Variants in SETD1B observed in about 807,000 individuals in gnomAD.
SETD1B encodes the protein histone-lysine N-methyltransferase SETD1B.
In SETD1B, 7 loss-of-function variants were observed where a neutral mutation model predicts 148.0. The observed-to-expected ratio is 0.05, with a 90% CI of 0.03 to 0.09. SETD1B has a LOEUF of 0.09. Among genes scored for constraint, SETD1B ranks in the 10% least tolerant of loss-of-function variants. The pLI, the probability that SETD1B is intolerant of heterozygous loss-of-function variation, is 1.00. For synonymous variants in SETD1B, 1,361 were observed against 1,186.5 expected, an observed-to-expected ratio of 1.15 and a Z score of -3.02; for missense variants, 2,155 against 2,729.9, an observed-to-expected ratio of 0.79 and a Z score of 4.69.
At chr12:121,809,401 C>T (rs987218165) in intron 5 of SETD1B, among the ~76,000 whole-genome samples, 1 of 152,192 alleles carries the variant, frequency 6.6e-6, no homozygotes, top group Non-Finnish European at 1.5e-5. Flanking sequence ...GTTCCCTGAA[C>T]ATATTTGGCT....
chr12:121,823,479 G>A lies in SETD1B; in HGVS notation c.4900G>A (p.Glu1634Lys), dbSNP rs760923776. The A allele has an allele frequency of 1.5e-5, 24 of 1,550,462 alleles. No individual in the cohort carries two copies. Among genetic ancestry groups the A allele is most frequent in the Non-Finnish European group, 2.1e-5 (24 of 1,146,884 alleles). The part of the protein sequence containing the change: ...GRDEVTEEYM[E>K]LAKSRGPWRR... The stretch of plus-strand genomic sequence containing the variant: ...CGATGAGGTCACTGAGGAATACATG[G>A]AGTTGGCCAAGAGCCGGGGGCCGTG... Residue 1634 changes from glutamate (E) to lysine (K), a missense_variant, in exon 12 of 17, where the codon GAG (glutamate) becomes AAG (lysine). This residue lies in a region of SETD1B where 862 missense variants were observed against 873.8 expected (regional missense o/e 0.99). Transcript: ENST00000604567.
intron 13 of SETD1B, among the ~76,000 whole-genome samples, chr12:121,826,406 G>A (rs1319805377): frequency 1.3e-5 from 2 of 152,150 alleles, no homozygotes; most frequent in African/African-American, 4.8e-5. Context: ...CTACAGAGAA[G>A]TGAAAAAGCG....
At position 121,814,723 on chromosome 12, in the gene SETD1B, A is replaced by G. The variant is rs577405791; in HGVS notation, c.2508A>G (p.Pro836=). ...SGPGRGQHWP[P]LPKFDPSVPP... ...CAGGCCGCGGGCAGCACTGGCCACC[A>G]CTGCCCAAGTTTGACCCGTCAGTGC... The change falls in exon 7 of 17, where the codon CCA becomes CCG. Residue 836 remains proline, a synonymous_variant. Transcript: ENST00000604567. 1.4e-4 allele frequency: 211 copies of G among 1,551,034 alleles called. 1 individual carries two copies. Among genetic ancestry groups the G allele is most frequent in the Non-Finnish European group, 1.5e-4 (174 of 1,146,974 alleles).
the SETD1B span, among the ~76,000 whole-genome samples, chr12:121,791,672 C>G: frequency 2.0e-5 from 3 of 152,246 alleles, no homozygotes; most frequent in Admixed American, 6.5e-5. Context: ...CCTTGAGCAT[C>G]TCTCTCTGGG....
rs1485901488 is a variant in SETD1B at position 121,817,354 on chromosome 12, C to T, written c.2978-16C>T. 6.5e-7 allele frequency: 1 copy of T among 1,531,158 alleles called. No homozygotes were observed. Among genetic ancestry groups the T allele is most frequent in the African/African-American group, 1.4e-5 (1 of 72,822 alleles). The allele number at this position is 1,531,158 out of a possible 1,614,324, so 94.8% of individuals were successfully genotyped here. A position where few individuals can be genotyped will look rare whatever the true frequency, so the allele number is the denominator to read the frequency against. ...GCATCCCCCCAGCCCAGCTCTGACT[C>T]CCTCCCTTCCTGCAGAGTCCGAGCG... On this transcript the variant is annotated splice_polypyrimidine_tract_variant and intron_variant, in intron 8 of 16. Transcript: ENST00000604567. The surrounding 1 kb of genome is among the most constrained non-coding windows in gnomAD (Gnocchi z 8.1).
the SETD1B span, among the ~76,000 whole-genome samples, chr12:121,798,807 G>A: frequency 4.6e-5 from 7 of 152,292 alleles, no homozygotes; most frequent in Admixed American, 2.0e-4. Flanking sequence ...AAGGAGGGGG[G>A]CTCCGAGACC....
chr12:121,796,890 T>C, the SETD1B span, among the ~76,000 whole-genome samples: 1 of 151,866 alleles, frequency 6.6e-6, no homozygotes, highest in Non-Finnish European at 1.5e-5. Context: ...AATACAAAAT[T>C]ATCCGGGCGT....
At position 121,805,764 on chromosome 12, in the gene SETD1B, CG is replaced by C. The variant is rs1285396764; in HGVS notation, c.274-64del. 58 of 1,384,110 alleles carry C rather than the reference CG, an allele frequency of 4.2e-5. 1 individual carries two copies. The highest frequency in any genetic ancestry group is 3.3e-4 in the South Asian group (23 of 69,950). 85.7% of individuals were successfully genotyped at this position (1,384,110 alleles called of 1,614,324 possible). The stretch of plus-strand genomic sequence containing the variant: ...ACGGGTGGGCGAGTTGCGGGCGGGG[CG>C]GGGGGGATGTTGTGTTTTCCCTTAG... On this transcript the variant is annotated intron_variant, in intron 3 of 16. Coordinates refer to ENST00000604567, the MANE Select transcript of SETD1B (RefSeq NM_001353345.2). The surrounding 1 kb of genome is among the most constrained non-coding windows in gnomAD (Gnocchi z 4.2).
upstream of SETD1B, chr12:121,799,452 C>T (rs1398324150): frequency 2.6e-5 from 4 of 152,282 alleles, no homozygotes; most frequent in Non-Finnish European, 4.4e-5. Context: ...CACTGTCACC[C>T]CACATGCCCC....
chr12:121,810,850 G>C lies in SETD1B; in HGVS notation c.1890+15G>C. 1 of 1,478,916 alleles carries C rather than the reference G, an allele frequency of 6.8e-7. No homozygotes were observed. 91.6% of individuals were successfully genotyped at this position (1,478,916 alleles called of 1,614,324 possible). A position where few individuals can be genotyped will look rare whatever the true frequency, so the allele number is the denominator to read the frequency against. On this transcript the variant is annotated intron_variant, in intron 6 of 16. Coordinates refer to ENST00000604567, the MANE Select transcript of SETD1B (RefSeq NM_001353345.2). The surrounding 1 kb of genome is among the most constrained non-coding windows in gnomAD (Gnocchi z 7.6). ...AGATGGATGAGGTACCACCGTGTCT[G>C]TCCATCTGTCTGGGACTGGTTTTGT...
upstream of SETD1B, chr12:121,799,603 G>C (rs1050352911): frequency 6.6e-6 from 1 of 152,144 alleles, no homozygotes; most frequent in Non-Finnish European, 1.5e-5. Flanking sequence ...GGATCCTCTC[G>C]TATGCTGCTA....
At chr12:121,799,722 G>GGGGGAGGGT (rs1875215318), upstream of SETD1B, 1 of 123,006 alleles carries the variant, frequency 8.1e-6, no homozygotes, top group Non-Finnish European at 1.8e-5. Flanking sequence ...GCAGCTGGGG[G>GGGGGAGGGT]GGGGGGGGTG....
rs1032115534 is a variant in SETD1B at position 121,819,446 on chromosome 12, C to T, written c.3461C>T (p.Ser1154Leu). Residue 1154 changes from serine to leucine, a missense_variant, in exon 11 of 17, where the codon TCG (serine) becomes TTG (leucine). Around this residue, in one of 11 missense-constraint regions of SETD1B, gnomAD observed 862 missense variants for 873.8 expected, o/e 0.99. Transcript: ENST00000604567. ...SIVTSKAEATSSSESSESSEF... is the reference protein window; with the variant it reads ...SIVTSKAEATLSSESSESSEF... ...GTAACCTCCAAGGCCGAAGCCACGT[C>T]GTCCAGTGAGAGTTCCGAGTCTTCT... The T allele has an allele frequency of 2.6e-6, 4 of 1,552,170 alleles. No homozygotes were observed. The highest frequency in any genetic ancestry group is 2.0e-5 in the Admixed American group (1 of 50,998).
chr12:121,817,527 GTCC>G lies in SETD1B; in HGVS notation c.3138_3140del (p.Ser1048del), dbSNP rs1436666475. The stretch of plus-strand genomic sequence containing the variant: ...AGAAGGAGTCATTGTCGGCGTCCTC[GTCC>G]TCATCCGCGTCATCATCCTCGGGGT... On this transcript the variant is annotated inframe_deletion, in exon 9 of 17. Transcript: ENST00000604567. This position sits in a 1 kb window ranked among gnomAD's most constrained non-coding sequence, Gnocchi z 8.1. The G allele has an allele frequency of 6.4e-7, 1 of 1,551,412 alleles. No individual in the cohort carries two copies. Among genetic ancestry groups the G allele is most frequent in the Non-Finnish European group, 8.7e-7 (1 of 1,146,982 alleles).
the SETD1B span, among the ~76,000 whole-genome samples, chr12:121,792,584 C>G: frequency 6.6e-6 from 1 of 152,250 alleles, no homozygotes; most frequent in Non-Finnish European, 1.5e-5. Context: ...ATTGTAGCCA[C>G]GCAATTCCAG....
chr12:121,821,043 G>A (rs1026989691), intron 11 of SETD1B, among the ~76,000 whole-genome samples: 2 of 152,194 alleles, frequency 1.3e-5, no homozygotes, highest in African/African-American at 4.8e-5. Context: ...GCAGATTTAG[G>A]TATACCAGGG....
rs1876917887 is a variant in SETD1B, at chr12:121,827,933, G to A, written c.5590G>A (p.Val1864Met). ...IEYVGQNIRQ[V>M]IADMREKRYE... ...CAGACTGACCCCCTTTTGTGGCCAG[G>A]TGATCGCAGACATGCGGGAGAAGCG... is the stretch of plus-strand genomic sequence containing the variant. The change falls in exon 16 of 17, where the codon GTG (valine) becomes ATG (methionine). Residue 1864 changes from valine (V) to methionine (M), a missense_variant and splice_region_variant. Transcript: ENST00000604567. 1.9e-6 allele frequency: 3 copies of A among 1,552,126 alleles called. No homozygotes were observed. The highest frequency in any genetic ancestry group is 2.6e-6 in the Non-Finnish European group (3 of 1,147,136).
the SETD1B span, chr12:121,797,646 G>A: frequency 2.2e-6 from 1 of 455,976 alleles, no homozygotes; most frequent in Non-Finnish European, 4.4e-6. Flanking sequence ...GTGCAGCTGG[G>A]AGGGAGACGT....
intron 13 of SETD1B, among the ~76,000 whole-genome samples, chr12:121,826,677 C>T (rs1290270801): frequency 6.6e-6 from 1 of 151,978 alleles, no homozygotes; most frequent in Non-Finnish European, 1.5e-5. Context: ...TGCAGGGGTC[C>T]TGAGGGCAGA....
Sources: gnomAD v4.1 joint callset for allele counts (sites outside exome capture counted in the v4.1 genomes callset) on GRCh38, gnomAD v4.1.1 for gene constraint, gnomAD v4.1.1 regional missense constraint, Gnocchi (gnomAD v3.1) non-coding constraint, MANE v1.5 for transcripts, NCBI Gene and HGNC (gene_info 2026-07-23, HGNC 2026-07-21) for gene names.